The following MYLK variants were observed in gnomAD, a reference collection of about 807,000 sequenced individuals.
The protein encoded by MYLK is myosin light chain kinase, smooth muscle.
MYLK carries 106 observed loss-of-function variants against 203.4 expected under a neutral mutation model. The ratio of observed to expected loss-of-function variants is 0.52; its 90% confidence interval spans 0.45 to 0.61. The LOEUF (loss-of-function observed/expected upper bound fraction) is 0.61, where lower values mean the gene tolerates loss of function less well. Among genes scored for constraint, MYLK ranks in the 20% least tolerant of loss-of-function variants. MYLK has a pLI of 0.00. For missense variants in MYLK, 2,072 were observed against 2,442.3 expected (o/e 0.85, Z 3.20); for synonymous variants, 867 against 959.5 (o/e 0.90, Z 1.78).
At chr3:123,656,459 C>T (rs1487799273) in intron 24 of MYLK, among the ~76,000 whole-genome samples, 1 of 152,228 alleles carries the variant, frequency 6.6e-6, no homozygotes, top group Non-Finnish European at 1.5e-5. Context: ...ACACGAGCAT[C>T]TGAAAATGTC....
chr3:123,656,627 T>G (rs1576451841), intron 24 of MYLK, among the ~76,000 whole-genome samples: 1 of 152,198 alleles, frequency 6.6e-6, no homozygotes, highest in East Asian at 1.9e-4. Flanking sequence ...CATGGAAAAA[T>G]GCTCCATGCA....
rs1398252513 is a variant in MYLK, at chr3:123,815,947, G to T, written c.-4+15601C>A. Among the ~76,000 whole-genome samples the T allele has an allele frequency of 2.0e-5, 3 of 152,240 alleles. No individual in the cohort carries two copies. The East Asian group carries it at 5.8e-4, about 29-fold the overall frequency. ...AGACATAGCAGTGAACAAAACAGAT[G>T]AAGCTTCCCCTGCTCAGCCCAGCTC... On this transcript the variant is annotated intron_variant, in intron 3 of 33. Transcript: ENST00000360304.
At chr3:123,820,505 A>ACCACTACTT (rs777019381) in intron 3 of MYLK, among the ~76,000 whole-genome samples, 1 of 152,146 alleles carries the variant, frequency 6.6e-6, no homozygotes, top group African/African-American at 2.4e-5. Context: ...CCTGCCTCCT[A>ACCACTACTT]CCACTACTTC....
chr3:123,643,591 T>C (rs1335404076), intron 27 of MYLK, among the ~76,000 whole-genome samples: 2 of 152,250 alleles, frequency 1.3e-5, no homozygotes, highest in Non-Finnish European at 2.9e-5. Context: ...CTTAATGCTA[T>C]GGGTGGAAAA....
intron 18 of MYLK, among the ~76,000 whole-genome samples, chr3:123,697,970 G>A (rs940471941): frequency 2.0e-5 from 3 of 152,138 alleles, no homozygotes; most frequent in Admixed American, 6.5e-5. Context: ...GGACCAGCAG[G>A]GAAAACATAC....
intron 27 of MYLK, among the ~76,000 whole-genome samples, chr3:123,645,057 A>G (rs1468871663): frequency 6.6e-6 from 1 of 152,250 alleles, no homozygotes; most frequent in Non-Finnish European, 1.5e-5. Flanking sequence ...AAATGCTCAA[A>G]AAGTATTTTT....
chr3:123,734,234 T>TGTGG lies in MYLK; in HGVS notation c.774-13_774-12insCCAC. On this transcript the variant is annotated splice_polypyrimidine_tract_variant and intron_variant, in intron 9 of 33. Coordinates refer to ENST00000360304, the MANE Select transcript of MYLK (RefSeq NM_053025.4). ...CTCTCACAAATGACCTGTGTGGTGG[T>TGTGG]GAGGGTGGGGGTAGGGTGGGTGAGG... 1 of 1,355,226 alleles carries TGTGG rather than the reference T, an allele frequency of 7.4e-7. No individual in the cohort carries two copies. The allele number at this position is 1,355,226 out of a possible 1,614,324, so 84.0% of individuals were successfully genotyped here.
At chr3:123,791,526 G>A (rs142866280) in intron 4 of MYLK, among the ~76,000 whole-genome samples, 233 of 152,282 alleles carry the variant, frequency 1.5e-3, no homozygotes, top group African/African-American at 5.2e-3. Flanking sequence ...CTCTGCATTT[G>A]TCTCTGCAAG....
chr3:123,626,937 G>A lies in MYLK; in HGVS notation c.5119C>T (p.Arg1707Cys), dbSNP rs1060502530. 2 of 1,614,006 alleles carry A rather than the reference G, an allele frequency of 1.2e-6. No homozygotes were observed. Among genetic ancestry groups the A allele is most frequent in the African/African-American group, 1.3e-5 (1 of 74,914 alleles). ...SNLLKKDMKN[R>C]LDCTQCLQHP... The stretch of plus-strand genomic sequence containing the variant: ...TGAAGGCACTGCGTGCAGTCCAGGC[G>A]GTTTCTGACAGAGGCAGAGATCAGG... The change falls in exon 31 of 34, where the codon CGC becomes TGC. Residue 1707 changes from arginine (R) to cysteine (C), a missense_variant. Around this residue, in one of 3 missense-constraint regions of MYLK, gnomAD observed 524 missense variants for 782.4 expected, o/e 0.67. Transcript: ENST00000360304.
At chr3:123,681,938 C>T (rs2060279170) in intron 20 of MYLK, 1 of 473,762 alleles carries the variant, frequency 2.1e-6, no homozygotes. Flanking sequence ...AGTGAAAGGG[C>T]ATGAAGGAGG....
At chr3:123,665,617 G>A (rs766429656) in intron 22 of MYLK, among the ~76,000 whole-genome samples, 8 of 152,150 alleles carry the variant, frequency 5.3e-5, no homozygotes, top group African/African-American at 1.4e-4. Context: ...CACTACCACC[G>A]TGGATTGGTG....
At chr3:123,621,712 C>T (rs1212236215) in intron 31 of MYLK, 9 of 152,302 alleles carry the variant, frequency 5.9e-5, no homozygotes, top group African/African-American at 2.4e-5. Context: ...GCAGACTGCT[C>T]TCATGCACTT....
At chr3:123,687,148 G>A (rs2060486794) in intron 19 of MYLK, among the ~76,000 whole-genome samples, 1 of 152,164 alleles carries the variant, frequency 6.6e-6, no homozygotes, top group South Asian at 2.1e-4. Context: ...CTTGAATCCA[G>A]GAGACAGAGG....
At chr3:123,778,278 G>A (rs2064152073) in intron 4 of MYLK, among the ~76,000 whole-genome samples, 1 of 151,904 alleles carries the variant, frequency 6.6e-6, no homozygotes, top group Non-Finnish European at 1.5e-5. Flanking sequence ...TTGCACTAGG[G>A]GATTCCTCGG....
chr3:123,816,546 C>T (rs752347302), intron 3 of MYLK, among the ~76,000 whole-genome samples: 48 of 152,268 alleles, frequency 3.2e-4, no homozygotes, highest in Non-Finnish European at 6.3e-4. Context: ...AGGGAACCAA[C>T]CTGAAATTGA....
chr3:123,632,401 C>T (rs140650595), intron 29 of MYLK, among the ~76,000 whole-genome samples: 2 of 152,168 alleles, frequency 1.3e-5, no homozygotes, highest in African/African-American at 4.8e-5. Flanking sequence ...GCAAACAACC[C>T]TGCTGTGGAA....
intron 2 of MYLK, among the ~76,000 whole-genome samples, chr3:123,832,227 G>C (rs1453621405): frequency 1.3e-5 from 2 of 152,192 alleles, no homozygotes; most frequent in East Asian, 1.9e-4. Flanking sequence ...TGTTCCCCCA[G>C]CACCACACCA....
At position 123,707,865 on chromosome 3, in the gene MYLK, G is replaced by A. The variant is rs2108635540; in HGVS notation, c.2279C>T (p.Ala760Val). The A allele has an allele frequency of 6.2e-7, 1 of 1,614,232 alleles. No individual in the cohort carries two copies. The highest frequency in any genetic ancestry group is 8.5e-7 in the Non-Finnish European group (1 of 1,180,044). Residue 760 changes from alanine (A) to valine (V), a missense_variant, in exon 16 of 34, where the codon GCC becomes GTC. Ala to Val is a moderately conservative substitution (Grantham distance 64). This residue lies in a region of MYLK where 865 missense variants were observed against 1,016.0 expected (regional missense o/e 0.85). Transcript: ENST00000360304. Reference sequence around the variant, plus strand: ...GAAGTGGCCAGTGTCTTTGCAGAGGGCTTTGCCATCTCTGAGCCAGTGCAC... The same window carrying A: ...GAAGTGGCCAGTGTCTTTGCAGAGGACTTTGCCATCTCTGAGCCAGTGCAC... ...PTVHWLRDGKALCKDTGHFEV... is the reference protein window; with the variant it reads ...PTVHWLRDGKVLCKDTGHFEV...
intron 8 of MYLK, chr3:123,735,624 A>C (rs2062648465): frequency 1.7e-6 from 1 of 588,620 alleles, no homozygotes; most frequent in South Asian, 2.0e-5. Flanking sequence ...GCTTCTTAAT[A>C]GTGGCTGGTG....
Sources: gnomAD v4.1 joint callset for allele counts (sites outside exome capture counted in the v4.1 genomes callset) on GRCh38, gnomAD v4.1.1 for gene constraint, gnomAD v4.1.1 regional missense constraint, MANE v1.5 for transcripts, NCBI Gene and HGNC (gene_info 2026-07-23, HGNC 2026-07-21) for gene names.